Variants in NCALD observed in about 807,000 individuals in gnomAD.
NCALD encodes neurocalcin delta, also known as neurocalcin-delta.
In NCALD, 10 loss-of-function variants were observed where a neutral mutation model predicts 18.6. The observed-to-expected ratio is 0.54, with a 90% CI of 0.33 to 0.91. NCALD has a LOEUF of 0.91. Ranked by LOEUF, NCALD falls within the 40% of genes least tolerant of loss-of-function variation. The pLI, the probability that NCALD is intolerant of heterozygous loss-of-function variation, is 0.03. For missense variants in NCALD, 184 were observed against 247.6 expected (o/e 0.74, Z 1.72); for synonymous variants, 88 against 87.4 (o/e 1.01, Z -0.04).
intron 3 of NCALD, among the ~76,000 whole-genome samples, chr8:101,891,035 C>A (rs771174802): frequency 1.3e-5 from 2 of 152,170 alleles, no homozygotes; most frequent in Non-Finnish European, 2.9e-5. Context: ...TGAAAGAAAG[C>A]AAGTAACAGC....
intron 1 of NCALD, among the ~76,000 whole-genome samples, chr8:101,769,574 C>T (rs143594540): frequency 1.3e-5 from 2 of 152,162 alleles, no homozygotes; most frequent in Admixed American, 6.5e-5. Context: ...CTAAAACCAG[C>T]AGGCATGATT....
Position 101,696,424 on chromosome 8 carries a change from G to A in NCALD, c.379-3528C>T, listed in dbSNP as rs925108181. 2.0e-5 allele frequency among the ~76,000 whole-genome samples: 3 copies of A among 152,312 alleles called. No individual in the cohort carries two copies. In the South Asian group the frequency reaches 6.2e-4, roughly 32 times the overall value. ...GGTTTTGCCAGGAGGGTTAGGGTAG[G>A]CTTCTCTGAGGAATGATGATTGCAC... is the stretch of plus-strand genomic sequence containing the variant. On this transcript the variant is annotated intron_variant, in intron 2 of 3. Coordinates refer to ENST00000220931, the MANE Select transcript of NCALD (RefSeq NM_032041.3).
rs939618365 is a variant in NCALD, at chr8:102,039,777, G to T, written c.-209-19488C>A. ...GGCCTAGTGGGAGTGTTTGGAAAGGGGGTAGATCCCTCATTAATAGATTAA... is the reference window on the plus strand; with the variant it reads ...GGCCTAGTGGGAGTGTTTGGAAAGGTGGTAGATCCCTCATTAATAGATTAA... On this transcript the variant is annotated intron_variant, in intron 1 of 6. Transcript: ENST00000311028. Among the ~76,000 whole-genome samples the T allele has an allele frequency of 1.9e-4, 29 of 152,200 alleles. No individual in the cohort carries two copies. In the East Asian group the frequency reaches 5.6e-3, roughly 29 times the overall value.
chr8:101,818,355 C>T (rs150225919), intron 4 of NCALD, among the ~76,000 whole-genome samples: 4 of 152,158 alleles, frequency 2.6e-5, no homozygotes, highest in African/African-American at 9.7e-5. Flanking sequence ...TTGATCTTCA[C>T]GCTAGCCCCT....
intron 4 of NCALD, among the ~76,000 whole-genome samples, chr8:101,830,785 G>C (rs1270761461): frequency 6.7e-6 from 1 of 149,318 alleles, no homozygotes; most frequent in Non-Finnish European, 1.5e-5. Flanking sequence ...CTGTCTCCCA[G>C]GCTGGAGTGC....
intron 1 of NCALD, among the ~76,000 whole-genome samples, chr8:101,776,846 C>G (rs1029907440): frequency 1.3e-5 from 2 of 152,110 alleles, no homozygotes; most frequent in African/African-American, 4.8e-5. Context: ...TATTGAACTG[C>G]GGACGCAACC....
chr8:102,071,611 C>G (rs1824180466), intron 1 of NCALD, among the ~76,000 whole-genome samples: 1 of 152,118 alleles, frequency 6.6e-6, no homozygotes, highest in African/African-American at 2.4e-5. Context: ...CTGAAGAAAT[C>G]TATCTATAAA....
intron 2 of NCALD, among the ~76,000 whole-genome samples, chr8:101,926,255 C>T (rs891930094): frequency 6.6e-6 from 1 of 152,240 alleles, no homozygotes; most frequent in Non-Finnish European, 1.5e-5. Flanking sequence ...TCCCTTGGTT[C>T]TCAACTTTCC....
chr8:102,072,171 C>T lies in NCALD; in HGVS notation c.-209-51882G>A, dbSNP rs112528386. ...AATAGAAATTAAACATATGAAAAGGCGCTCAATATTGTTATTCATCATGGA... is the reference window on the plus strand; with the variant it reads ...AATAGAAATTAAACATATGAAAAGGTGCTCAATATTGTTATTCATCATGGA... On this transcript the variant is annotated intron_variant, in intron 1 of 6. Transcript: ENST00000311028. Among the ~76,000 whole-genome samples the T allele has an allele frequency of 6.8e-3, 1,040 of 152,098 alleles. 8 individuals are homozygous for T. The highest frequency in any genetic ancestry group is 0.023 in the African/African-American group (965 of 41,498).
At chr8:101,946,094 T>C (rs1324713858) in intron 2 of NCALD, among the ~76,000 whole-genome samples, 6 of 150,540 alleles carry the variant, frequency 4.0e-5, no homozygotes, top group African/African-American at 1.5e-4. Context: ...TGGTTCCCAA[T>C]GTCTTGAATA....
chr8:101,694,640 T>C (rs182862788), intron 2 of NCALD, among the ~76,000 whole-genome samples: 83 of 152,252 alleles, frequency 5.5e-4, no homozygotes, highest in African/African-American at 1.9e-3. Context: ...TGGGGTAAGC[T>C]GAGCCATTTC....
intron 1 of NCALD, among the ~76,000 whole-genome samples, chr8:101,752,216 GAAGTTGAATAGA>G (rs1254145644): frequency 6.6e-6 from 1 of 152,084 alleles, no homozygotes; most frequent in Non-Finnish European, 1.5e-5. Flanking sequence ...ATAATTCAGT[GAAGTTGAATAGA>G]AAGCATAACT....
At chr8:101,807,430 A>G (rs1032521628) in intron 4 of NCALD, among the ~76,000 whole-genome samples, 4 of 152,172 alleles carry the variant, frequency 2.6e-5, no homozygotes, top group Admixed American at 2.6e-4. Flanking sequence ...AAATAACACC[A>G]TATGGTAATT....
At chr8:102,004,065 A>C (rs1447726485) in intron 2 of NCALD, among the ~76,000 whole-genome samples, 1 of 151,218 alleles carries the variant, frequency 6.6e-6, no homozygotes, top group Admixed American at 6.6e-5. Flanking sequence ...AGGGTATTCA[A>C]TTAGGAAAAG....
chr8:101,961,260 T>A (rs942762403), intron 2 of NCALD, among the ~76,000 whole-genome samples: 1 of 152,148 alleles, frequency 6.6e-6, no homozygotes. Context: ...AATAAGTCAA[T>A]AACATTGTGG....
intron 2 of NCALD, among the ~76,000 whole-genome samples, chr8:101,930,366 C>T (rs1439350462): frequency 6.6e-6 from 1 of 152,056 alleles, no homozygotes; most frequent in Admixed American, 6.6e-5. Context: ...CTGATCAATG[C>T]TACAGAGGGT....
intron 1 of NCALD, among the ~76,000 whole-genome samples, chr8:102,103,729 T>C (rs185482024): frequency 5.3e-5 from 8 of 152,286 alleles, no homozygotes; most frequent in African/African-American, 1.9e-4. Flanking sequence ...TCACTGTTGT[T>C]TGCAATTGAA....
At chr8:101,880,561 G>C (rs865929148) in intron 4 of NCALD, among the ~76,000 whole-genome samples, 1 of 152,230 alleles carries the variant, frequency 6.6e-6, no homozygotes, top group Non-Finnish European at 1.5e-5. Flanking sequence ...CCAGCACGCT[G>C]TCACCTCTCA....
At chr8:102,102,540 A>C (rs1215201944) in intron 1 of NCALD, among the ~76,000 whole-genome samples, 1 of 152,112 alleles carries the variant, frequency 6.6e-6, no homozygotes, top group Non-Finnish European at 1.5e-5. Context: ...TCTGAGGCTC[A>C]GTTAAGGGAT....
Sources: gnomAD v4.1 joint callset for allele counts (sites outside exome capture counted in the v4.1 genomes callset) on GRCh38, gnomAD v4.1.1 for gene constraint, MANE v1.5 for transcripts, NCBI Gene and HGNC (gene_info 2026-07-23, HGNC 2026-07-21) for gene names.